PPP4R4: variants seen among roughly 807,000 people sequenced by gnomAD.
PPP4R4 encodes serine/threonine-protein phosphatase 4 regulatory subunit 4.
PPP4R4 carries 70 observed loss-of-function variants against 121.8 expected under a neutral mutation model. The observed-to-expected ratio is 0.57, with a 90% CI of 0.47 to 0.70. The LOEUF is 0.70. Ranked by LOEUF, PPP4R4 falls within the 30% of genes least tolerant of loss-of-function variation. The pLI, the probability that PPP4R4 is intolerant of heterozygous loss-of-function variation, is 0.00. For synonymous variants in PPP4R4, 348 were observed against 355.7 expected, an observed-to-expected ratio of 0.98 and a Z score of 0.24; for missense variants, 875 against 1,033.6, an observed-to-expected ratio of 0.85 and a Z score of 2.10.
intron 2 of PPP4R4, among the ~76,000 whole-genome samples, chr14:94,207,593 T>C (rs1890525508): frequency 6.6e-6 from 1 of 151,948 alleles, no homozygotes; most frequent in East Asian, 1.9e-4. Context: ...AAGTAAATAT[T>C]ATGGAATCAG....
rs1305708816 is a variant in PPP4R4, at chr14:94,188,784, TG to T, written c.191+12658del. ...TGATGGACATGTTGATTAGCTTTAC[TG>T]TAGTAATCATTTTACAATGTATACA... On this transcript the variant is annotated intron_variant, in intron 2 of 24. Coordinates refer to ENST00000304338, the MANE Select transcript of PPP4R4 (RefSeq NM_058237.2). Among the ~76,000 whole-genome samples the T allele has an allele frequency of 2.1e-4, 32 of 152,296 alleles. 1 individual carries two copies. The highest frequency in any genetic ancestry group is 2.5e-4 in the Non-Finnish European group (17 of 67,978).
chr14:94,179,574 G>C (rs1200585582), intron 2 of PPP4R4, among the ~76,000 whole-genome samples: 1 of 151,982 alleles, frequency 6.6e-6, no homozygotes, highest in Non-Finnish European at 1.5e-5. Flanking sequence ...CTTAATTTTT[G>C]CTTTTCCTCA....
intron 2 of PPP4R4, among the ~76,000 whole-genome samples, chr14:94,198,603 C>T (rs762369710): frequency 6.6e-6 from 1 of 152,028 alleles, no homozygotes; most frequent in Admixed American, 6.5e-5. Flanking sequence ...CTTGTCAAAC[C>T]CAAGGTCACT....
At chr14:94,254,652 G>T (rs1043367948) in intron 16 of PPP4R4, among the ~76,000 whole-genome samples, 5 of 152,178 alleles carry the variant, frequency 3.3e-5, no homozygotes, top group African/African-American at 1.2e-4. Flanking sequence ...TCTCAAGGTT[G>T]CAATAAAAAT....
chr14:94,222,471 A>C (rs1464553609), intron 3 of PPP4R4, among the ~76,000 whole-genome samples: 2 of 151,538 alleles, frequency 1.3e-5, no homozygotes, highest in Non-Finnish European at 2.9e-5. Flanking sequence ...TATTTTATTT[A>C]TATATTTCAG....
At chr14:94,178,903 T>C (rs1888822656) in intron 2 of PPP4R4, among the ~76,000 whole-genome samples, 1 of 152,232 alleles carries the variant, frequency 6.6e-6, no homozygotes, top group Non-Finnish European at 1.5e-5. Flanking sequence ...CCTAAGTATG[T>C]ATACTGTGCT....
At chr14:94,189,019 T>A (rs1435902965) in intron 2 of PPP4R4, among the ~76,000 whole-genome samples, 1 of 152,176 alleles carries the variant, frequency 6.6e-6, no homozygotes, top group Non-Finnish European at 1.5e-5. Context: ...GATAAGTATG[T>A]CTAAAACAAT....
rs184586546 is a variant in PPP4R4 at position 94,231,371 on chromosome 14, T to A, written c.516+56T>A. The A allele has an allele frequency of 1.3e-5, 19 of 1,424,476 alleles. No individual in the cohort carries two copies. In the African/African-American group the frequency reaches 1.6e-4, roughly 12 times the overall value. 88.2% of individuals were successfully genotyped at this position (1,424,476 alleles called of 1,614,324 possible). On this transcript the variant is annotated intron_variant, in intron 5 of 24. Transcript: ENST00000304338. The stretch of plus-strand genomic sequence containing the variant: ...AGTAAGTCACTCTAAGGTTTTTTTT[T>A]AAAAGGTTTCTTGTCAAAAATGGTT...
In PPP4R4 at chr14:94,264,900, A is replaced by G. The variant is rs749241502; in HGVS notation, c.2150A>G (p.Gln717Arg). ...LEMEQLEKEK[Q>R]QNDGRPMSDK... The stretch of plus-strand genomic sequence containing the variant: ...CAGGAACAATTAGAGAAAGAAAAGC[A>G]ACAGAATGATGGAAGGCCCATGAGT... The change falls in exon 20 of 25, where the codon CAA (glutamine) becomes CGA (arginine). Residue 717 changes from glutamine (Q) to arginine (R), a missense_variant. Transcript: ENST00000304338. 1.2e-6 allele frequency: 2 copies of G among 1,605,732 alleles called. No individual in the cohort carries two copies. The highest frequency in any genetic ancestry group is 1.7e-6 in the Non-Finnish European group (2 of 1,177,616).
At chr14:94,243,885 G>A (rs1351901459) in intron 11 of PPP4R4, among the ~76,000 whole-genome samples, 2 of 151,622 alleles carry the variant, frequency 1.3e-5, no homozygotes, top group Non-Finnish European at 2.9e-5. Flanking sequence ...TCATTTTTCA[G>A]AATAATAACA....
intron 2 of PPP4R4, among the ~76,000 whole-genome samples, chr14:94,188,416 T>C (rs567431424): frequency 6.6e-6 from 1 of 152,264 alleles, no homozygotes; most frequent in South Asian, 2.1e-4. Context: ...CTTATTTTGA[T>C]TGTATTTTAT....
At chr14:94,276,369 A>G (rs1894638813) in intron 24 of PPP4R4, among the ~76,000 whole-genome samples, 2 of 152,210 alleles carry the variant, frequency 1.3e-5, no homozygotes, top group South Asian at 2.1e-4. Context: ...TTGCATTGCT[A>G]TAAAGAAATA....
At chr14:94,252,839 A>G (rs1323649200) in intron 16 of PPP4R4, among the ~76,000 whole-genome samples, 3 of 152,228 alleles carry the variant, frequency 2.0e-5, no homozygotes, top group African/African-American at 7.2e-5. Context: ...TACCACTTTT[A>G]TAAACAACTG....
At chr14:94,214,527 AAAAG>A (rs1053085796) in intron 3 of PPP4R4, among the ~76,000 whole-genome samples, 14 of 151,624 alleles carry the variant, frequency 9.2e-5, no homozygotes, top group African/African-American at 2.9e-4. Context: ...AACAGAAAAA[AAAAG>A]AAAGAAATAA....
chr14:94,178,373 G>A (rs1950844), intron 2 of PPP4R4, among the ~76,000 whole-genome samples: 67,990 of 149,328 alleles, frequency 0.46, 18,009 homozygotes, highest in Non-Finnish European at 0.61. Context: ...TTTTCTCTCT[G>A]CTTTTATGTG....
intron 24 of PPP4R4, among the ~76,000 whole-genome samples, chr14:94,276,495 T>C (rs1190056963): frequency 6.6e-6 from 1 of 152,200 alleles, no homozygotes; most frequent in African/African-American, 2.4e-5. Context: ...CTTATTATCC[T>C]GGTAGATGGT....
chr14:94,251,940 T>G, intron 16 of PPP4R4, 44 bp downstream of exon 16: 1 of 1,499,296 alleles, frequency 6.7e-7, no homozygotes, highest in Non-Finnish European at 9.1e-7. Context: ...GTATTTATTT[T>G]TATCTACTAT....
chr14:94,191,034 G>A (rs190665102), intron 2 of PPP4R4, among the ~76,000 whole-genome samples: 433 of 152,148 alleles, frequency 2.8e-3, no homozygotes, highest in Non-Finnish European at 5.3e-3. Context: ...ACATATCAAA[G>A]TTAATATCAA....
intron 3 of PPP4R4, among the ~76,000 whole-genome samples, chr14:94,211,064 A>G (rs1028516484): frequency 6.6e-6 from 1 of 152,156 alleles, no homozygotes; most frequent in Non-Finnish European, 1.5e-5. Context: ...TCAATTTTTT[A>G]AAAGAAAGTA....
Sources: allele counts gnomAD v4.1 joint callset (sites outside exome capture counted in the v4.1 genomes callset), GRCh38; gene constraint gnomAD v4.1.1; transcripts MANE v1.5; gene names NCBI Gene and HGNC (gene_info 2026-07-23, HGNC 2026-07-21).